C1orf87: variants seen among roughly 807,000 people sequenced by gnomAD.
C1orf87 encodes uncharacterized protein C1orf87.
In C1orf87, 58 loss-of-function variants were observed where a neutral mutation model predicts 60.5. The observed-to-expected ratio is 0.96, with a 90% CI of 0.78 to 1.19. The LOEUF (loss-of-function observed/expected upper bound fraction) is 1.19. Ranked by LOEUF, C1orf87 falls within the 50% of genes most tolerant of loss-of-function variation. The pLI is 0.00. For synonymous variants in C1orf87, 236 were observed against 227.4 expected (o/e 1.04, Z -0.34); for missense variants, 673 against 638.6 (o/e 1.05, Z -0.58).
intron 2 of C1orf87, among the ~76,000 whole-genome samples, chr1:60,063,314 T>C (rs1255447363): frequency 6.6e-6 from 1 of 152,200 alleles, no homozygotes; most frequent in Non-Finnish European, 1.5e-5. Context: ...ACTTTATGTA[T>C]GGACTATAAT....
At chr1:59,991,968 C>A (rs991674992) in intron 11 of C1orf87, among the ~76,000 whole-genome samples, 1 of 151,972 alleles carries the variant, frequency 6.6e-6, no homozygotes, top group Non-Finnish European at 1.5e-5. Flanking sequence ...TTCTCTGTCC[C>A]GTGGGGGAGA....
At chr1:60,004,777 C>T (rs142851504) in intron 9 of C1orf87, among the ~76,000 whole-genome samples, 12 of 151,984 alleles carry the variant, frequency 7.9e-5, no homozygotes, top group East Asian at 5.8e-4. Flanking sequence ...GCCAAGCTGG[C>T]TTCTAGAGAT....
intron 10 of C1orf87, 109 bp downstream of exon 10, chr1:60,000,968 G>T (rs953485051): frequency 1.1e-6 from 1 of 886,566 alleles, no homozygotes; most frequent in Non-Finnish European, 1.8e-6. Flanking sequence ...GACATCAAGG[G>T]TTTGGGAGAA....
chr1:60,001,047 C>A, intron 10 of C1orf87, 30 bp downstream of exon 10: 1 of 1,572,450 alleles, frequency 6.4e-7, no homozygotes, highest in South Asian at 1.1e-5. Context: ...GAAAACCTTC[C>A]CCCAAACTCT....
intron 8 of C1orf87, among the ~76,000 whole-genome samples, chr1:60,021,333 T>C (rs1286794934): frequency 1.3e-5 from 2 of 152,208 alleles, no homozygotes; most frequent in African/African-American, 4.8e-5. Context: ...GAGATCACTA[T>C]GTAGACATTA....
At chr1:59,997,874 CT>C in intron 10 of C1orf87, 58 bp from the exon 11 acceptor site, 1 of 1,546,272 alleles carries the variant, frequency 6.5e-7, no homozygotes, top group Non-Finnish European at 8.8e-7. Context: ...TCTCCAATCT[CT>C]TGGCCAAAGA....
At chr1:60,005,214 A>G (rs1387823639) in intron 9 of C1orf87, among the ~76,000 whole-genome samples, 2 of 152,112 alleles carry the variant, frequency 1.3e-5, no homozygotes, top group African/African-American at 4.8e-5. Context: ...CCCATTTGAC[A>G]GATGAGGAAA....
intron 2 of C1orf87, among the ~76,000 whole-genome samples, chr1:60,068,618 A>C (rs1645564474): frequency 6.6e-6 from 1 of 152,236 alleles, no homozygotes. Context: ...AAATCAACAC[A>C]TACTGTCTTT....
At chr1:60,056,675 T>C (rs642366) in intron 2 of C1orf87, among the ~76,000 whole-genome samples, 122,138 of 152,172 alleles carry the variant, frequency 0.8, 49,459 homozygotes, top group South Asian at 0.88. Flanking sequence ...TGGTAGAACT[T>C]AGCGTATTAC....
chr1:60,042,682 T>C (rs1031270913), intron 3 of C1orf87, among the ~76,000 whole-genome samples: 2 of 152,372 alleles, frequency 1.3e-5, no homozygotes, highest in South Asian at 4.1e-4. Flanking sequence ...AGGTAGGTAG[T>C]ACTAGCAACC....
intron 9 of C1orf87, among the ~76,000 whole-genome samples, chr1:60,007,176 T>C (rs1645052869): frequency 6.6e-6 from 1 of 152,070 alleles, no homozygotes; most frequent in Non-Finnish European, 1.5e-5. Flanking sequence ...CCTCTCAAAG[T>C]GTTAGGACTA....
chr1:59,995,116 G>A (rs537451490), intron 11 of C1orf87, among the ~76,000 whole-genome samples: 2 of 152,302 alleles, frequency 1.3e-5, no homozygotes, highest in Admixed American at 6.5e-5. Flanking sequence ...AACAAACTCC[G>A]TTTCTCCTCA....
intron 7 of C1orf87, among the ~76,000 whole-genome samples, chr1:60,032,604 AT>A (rs572780562): frequency 1.3e-5 from 2 of 150,906 alleles, no homozygotes; most frequent in African/African-American, 4.9e-5. Flanking sequence ...TACCTGGCTA[AT>A]TTTTTTTGTA....
At chr1:60,043,187 A>G (rs1357833159) in intron 3 of C1orf87, among the ~76,000 whole-genome samples, 1 of 152,216 alleles carries the variant, frequency 6.6e-6, no homozygotes, top group Non-Finnish European at 1.5e-5. Flanking sequence ...GGAGAAAGGC[A>G]ATGAATTACC....
At chr1:60,055,755 C>A (rs1334842405) in intron 2 of C1orf87, among the ~76,000 whole-genome samples, 1 of 152,126 alleles carries the variant, frequency 6.6e-6, no homozygotes, top group African/African-American at 2.4e-5. Context: ...ACATTTCTTA[C>A]TTGTAAATGT....
chr1:60,054,224 T>G, intron 3 of C1orf87, among the ~76,000 whole-genome samples: 1 of 152,188 alleles, frequency 6.6e-6, no homozygotes, highest in Non-Finnish European at 1.5e-5. Flanking sequence ...TCTGTGTCAC[T>G]CATGTTTTGG....
At chr1:60,027,390 AT>A (rs780746175) in intron 7 of C1orf87, among the ~76,000 whole-genome samples, 6 of 152,134 alleles carry the variant, frequency 3.9e-5, no homozygotes, top group Non-Finnish European at 7.4e-5. Flanking sequence ...CCACAAAAAA[AT>A]CTCATGCCCA....
chr1:60,021,984 T>A (rs1039713152), intron 8 of C1orf87, among the ~76,000 whole-genome samples: 2 of 152,112 alleles, frequency 1.3e-5, no homozygotes, highest in African/African-American at 2.4e-5. Context: ...AGATAGGTGT[T>A]AAGGTGAAGT....
rs763268477 is a variant in C1orf87, at chr1:60,033,642, C to T, written c.864-1G>A. ...TGAGCTGGAGTGCTGAGGTGGAGTGCTGATTGTAGGGGAAATGGGGAAGGC... is the reference window on the plus strand; with the variant it reads ...TGAGCTGGAGTGCTGAGGTGGAGTGTTGATTGTAGGGGAAATGGGGAAGGC... On this transcript the variant is annotated splice_acceptor_variant, in intron 6 of 11. Transcript: ENST00000371201. LOFTEE classifies it high-confidence loss of function. The T allele has an allele frequency of 7.5e-6, 12 of 1,609,912 alleles. No individual in the cohort carries two copies. The highest frequency in any genetic ancestry group is 5.0e-5 in the Admixed American group (3 of 59,504).
Sources: gnomAD v4.1 joint callset for allele counts (sites outside exome capture counted in the v4.1 genomes callset) on GRCh38, gnomAD v4.1.1 for gene constraint, MANE v1.5 for transcripts, NCBI Gene and HGNC (gene_info 2026-07-23, HGNC 2026-07-21) for gene names.